Variants in ZCWPW2 observed in about 807,000 individuals in gnomAD.
The protein encoded by ZCWPW2 is zinc finger CW-type and PWWP domain containing 2, also known as zinc finger CW-type PWWP domain protein 2.
A neutral mutation model predicts 46.6 loss-of-function variants in ZCWPW2; 45 were observed. That is an observed-to-expected ratio of 0.96 (90% CI 0.76 to 1.24). The LOEUF (loss-of-function observed/expected upper bound fraction) is 1.24, where lower values mean the gene tolerates loss of function less well. Among genes scored for constraint, ZCWPW2 ranks in the 50% most tolerant of loss-of-function variants. The pLI is 0.00. For missense variants in ZCWPW2, 429 were observed against 403.9 expected, an observed-to-expected ratio of 1.06 and a Z score of -0.53; for synonymous variants, 152 against 137.1, an observed-to-expected ratio of 1.11 and a Z score of -0.76.
At chr3:28,392,742 GA>G (rs869236090) in intron 2 of ZCWPW2, among the ~76,000 whole-genome samples, 6 of 149,448 alleles carry the variant, frequency 4.0e-5, no homozygotes, top group Middle Eastern at 3.5e-3. Context: ...AAAGTGAAAT[GA>G]AAAAAAAATA....
At chr3:28,421,831 A>T (rs111731775) in intron 3 of ZCWPW2, among the ~76,000 whole-genome samples, 1,354 of 88,070 alleles carry the variant, frequency 0.015, 23 homozygotes, top group African/African-American at 0.051. Flanking sequence ...GTTGGAGAAT[A>T]GTTTGTGTGT....
At chr3:28,470,512 A>G (rs1041058079) in intron 4 of ZCWPW2, among the ~76,000 whole-genome samples, 3 of 143,110 alleles carry the variant, frequency 2.1e-5, no homozygotes, top group Admixed American at 6.8e-5. Context: ...AAAAAAAAAA[A>G]GGAAGGAAAT....
At chr3:28,517,316 G>C (rs1021259707) in intron 8 of ZCWPW2, among the ~76,000 whole-genome samples, 2 of 152,176 alleles carry the variant, frequency 1.3e-5, no homozygotes, top group African/African-American at 2.4e-5. Flanking sequence ...TATAAGAAAA[G>C]AGGTTTTAAT....
At chr3:28,462,865 A>G (rs1003432236) in intron 4 of ZCWPW2, among the ~76,000 whole-genome samples, 5 of 152,206 alleles carry the variant, frequency 3.3e-5, no homozygotes, top group African/African-American at 1.2e-4. Flanking sequence ...AGCGAGTCCA[A>G]AGTTATTGAA....
intron 1 of ZCWPW2, among the ~76,000 whole-genome samples, chr3:28,379,340 G>T (rs545213715): frequency 6.6e-6 from 1 of 152,236 alleles, no homozygotes; most frequent in South Asian, 2.1e-4. Context: ...TCACTGAGGG[G>T]ATGCAAGAGG....
intron 2 of ZCWPW2, among the ~76,000 whole-genome samples, chr3:28,411,836 T>G (rs1383524385): frequency 6.6e-6 from 1 of 152,100 alleles, no homozygotes; most frequent in African/African-American, 2.4e-5. Flanking sequence ...TAGATTTGAT[T>G]CTGTTTTTAG....
chr3:28,390,313 A>G (rs1695435534), intron 1 of ZCWPW2, among the ~76,000 whole-genome samples, 185 bp from the exon 2 acceptor site: 1 of 152,242 alleles, frequency 6.6e-6, no homozygotes, highest in African/African-American at 2.4e-5. Context: ...TTGATGAAAT[A>G]CTATTACCAT....
chr3:28,456,991 G>T (rs772770091), intron 4 of ZCWPW2, among the ~76,000 whole-genome samples: 1 of 152,136 alleles, frequency 6.6e-6, no homozygotes, highest in African/African-American at 2.4e-5. Flanking sequence ...CTCATAGAAT[G>T]AGTTAGGGAG....
chr3:28,383,556 A>AT (rs750291522), intron 1 of ZCWPW2, among the ~76,000 whole-genome samples: 16 of 150,918 alleles, frequency 1.1e-4, no homozygotes, highest in East Asian at 5.8e-4. Context: ...ATTAGGGTAT[A>AT]TTTTTTTTTC....
At chr3:28,433,196 C>T (rs1166162221) in intron 3 of ZCWPW2, among the ~76,000 whole-genome samples, 1 of 152,074 alleles carries the variant, frequency 6.6e-6, no homozygotes, top group Admixed American at 6.6e-5. Context: ...TCTTAACCAG[C>T]AAGGAAATGT....
chr3:28,514,145 G>A, intron 7 of ZCWPW2, 23 bp downstream of exon 7: 2 of 1,393,894 alleles, frequency 1.4e-6, no homozygotes, highest in Non-Finnish European at 2.0e-6. Flanking sequence ...AAATTAAATA[G>A]TATTATGATA....
intron 4 of ZCWPW2, among the ~76,000 whole-genome samples, chr3:28,454,812 A>T (rs1000479516): frequency 3.3e-5 from 5 of 152,306 alleles, no homozygotes; most frequent in African/African-American, 1.2e-4. Flanking sequence ...AAAGGACATG[A>T]TCTCATTCCT....
chr3:28,412,546 A>G (rs1223422696), intron 2 of ZCWPW2, among the ~76,000 whole-genome samples: 7 of 152,054 alleles, frequency 4.6e-5, no homozygotes, highest in Non-Finnish European at 1.0e-4. Context: ...TTTAAATTCC[A>G]GCTCTACTGT....
intron 2 of ZCWPW2, among the ~76,000 whole-genome samples, chr3:28,403,502 A>T (rs1211570003): frequency 6.6e-6 from 1 of 152,198 alleles, no homozygotes; most frequent in East Asian, 1.9e-4. Flanking sequence ...TGCAATTCCC[A>T]TCAAAATACC....
intron 2 of ZCWPW2, among the ~76,000 whole-genome samples, chr3:28,411,438 A>C (rs544485789): frequency 6.6e-6 from 1 of 151,932 alleles, no homozygotes; most frequent in Non-Finnish European, 1.5e-5. Context: ...CCAACATAAC[A>C]AACATTCGAA....
chr3:28,488,157 G>T (rs139270874), intron 5 of ZCWPW2, among the ~76,000 whole-genome samples: 297 of 152,180 alleles, frequency 2.0e-3, no homozygotes, highest in African/African-American at 6.6e-3. Context: ...GGTCCCCCTG[G>T]AGTTTTTGTC....
intron 3 of ZCWPW2, among the ~76,000 whole-genome samples, chr3:28,432,825 G>GA (rs1021143822): frequency 1.9e-4 from 29 of 152,046 alleles, no homozygotes; most frequent in East Asian, 1.9e-4. Context: ...TTATCTGAAT[G>GA]AAAAAAATAG....
chr3:28,370,758 G>A (rs1192613585), intron 1 of ZCWPW2, among the ~76,000 whole-genome samples: 1 of 152,078 alleles, frequency 6.6e-6, no homozygotes, highest in Non-Finnish European at 1.5e-5. Context: ...TTGAGATAGA[G>A]TTTTGCTCTT....
intron 2 of ZCWPW2, among the ~76,000 whole-genome samples, chr3:28,391,811 A>G (rs1392194518): frequency 6.6e-6 from 1 of 152,108 alleles, no homozygotes; most frequent in Non-Finnish European, 1.5e-5. Context: ...CCTAAGAAGG[A>G]GCCACTATTT....
Sources: allele counts gnomAD v4.1 joint callset (sites outside exome capture counted in the v4.1 genomes callset), GRCh38; gene constraint gnomAD v4.1.1; transcripts MANE v1.5; gene names NCBI Gene and HGNC (gene_info 2026-07-23, HGNC 2026-07-21).